LIFR: variants seen among roughly 807,000 people sequenced by gnomAD.
LIFR encodes the protein LIF receptor subunit alpha.
Under a neutral mutation model 122.2 loss-of-function variants are expected in LIFR, and 84 were observed. The observed-to-expected ratio is 0.69, with a 90% CI of 0.58 to 0.82. The LOEUF (loss-of-function observed/expected upper bound fraction) is 0.82. Ranked by LOEUF, LIFR falls within the 40% of genes least tolerant of loss-of-function variation. The pLI is 0.00. For missense variants in LIFR, 1,294 were observed against 1,311.6 expected, an observed-to-expected ratio of 0.99 and a Z score of 0.21; for synonymous variants, 422 against 434.7, an observed-to-expected ratio of 0.97 and a Z score of 0.36.
rs543952297 is a variant in LIFR, at chr5:38,510,292, T to C, written c.991+172A>G. ...TGTGGAAAACAAGCTTGCAATTCAT[T>C]TTAAAACAAGCAAATATTCTAGTGC... On this transcript the variant is annotated intron_variant, in intron 7 of 19. Coordinates refer to ENST00000453190, the MANE Select transcript of LIFR (RefSeq NM_001127671.2). Among the ~76,000 whole-genome samples, 24 of 152,304 alleles carry C rather than the reference T, an allele frequency of 1.6e-4. No individual in the cohort carries two copies. In the South Asian group the frequency reaches 1.7e-3, roughly 11 times the overall value.
chr5:38,567,512 T>TTATG (rs1239875099), intron 1 of LIFR, among the ~76,000 whole-genome samples: 6 of 146,444 alleles, frequency 4.1e-5, no homozygotes, highest in Admixed American at 6.9e-5. Flanking sequence ...ATTTATTTAT[T>TTATG]TATTTATTTA....
rs1240638634 is a variant in LIFR at position 38,490,193 on chromosome 5, A to G, written c.2164T>C (p.Leu722=). The stretch of plus-strand genomic sequence containing the variant: ...AATAAGTACCCATTTAACTTACCCA[A>G]TTCTTCTATATATCCAATCATGGAG... ...LRSMIGYIEE[L]APIVAPNFTV... The change falls in exon 15 of 20, where the codon TTG becomes CTG. Residue 722 remains leucine, a synonymous_variant. Transcript: ENST00000453190. The G allele has an allele frequency of 6.1e-6, 9 of 1,465,510 alleles. No homozygotes were observed. In the East Asian group the frequency reaches 2.1e-4, roughly 34 times the overall value. 90.8% of individuals were successfully genotyped at this position (1,465,510 alleles called of 1,614,324 possible). A position where few individuals can be genotyped will look rare whatever the true frequency, so the allele number is the denominator to read the frequency against.
At chr5:38,602,498 C>G (rs1561237274) in intron 2 of LIFR, among the ~76,000 whole-genome samples, 1 of 149,718 alleles carries the variant, frequency 6.7e-6, no homozygotes, top group African/African-American at 2.5e-5. Context: ...CTTCTCTTTT[C>G]TTTTTTTTTT....
rs59046986 is a variant in LIFR at position 38,474,703 on chromosome 5, A to C, written c.*6892T>G. ...GACCAGTATTTATTATTTATTTGCT[A>C]ATGTTGGATTCCCACTATTTGATTA... On this transcript the variant is annotated 3_prime_UTR_variant, in exon 20 of 20. Coordinates refer to ENST00000453190, the MANE Select transcript of LIFR (RefSeq NM_001127671.2). Among the ~76,000 whole-genome samples the C allele has an allele frequency of 9.0e-4, 137 of 152,326 alleles. No homozygotes were observed. The highest frequency in any genetic ancestry group is 3.1e-3 in the African/African-American group (130 of 41,574).
At chr5:38,595,727 CTT>C (rs70978897), upstream of LIFR, among the ~76,000 whole-genome samples, 4,864 of 91,928 alleles carry the variant, frequency 0.053, 112 homozygotes, top group African/African-American at 0.14. Flanking sequence ...CACAATAGGT[CTT>C]TTTTTTTTTT....
intron 16 of LIFR, among the ~76,000 whole-genome samples, 185 bp from the exon 17 acceptor site, chr5:38,486,165 T>C (rs1034220309): frequency 4.6e-5 from 7 of 152,190 alleles, no homozygotes; most frequent in Non-Finnish European, 8.8e-5. Context: ...CTGTGTCGTA[T>C]GGGCCCCTTA....
At chr5:38,574,924 C>A (rs1749333042) in intron 1 of LIFR, among the ~76,000 whole-genome samples, 1 of 152,150 alleles carries the variant, frequency 6.6e-6, no homozygotes, top group East Asian at 1.9e-4. Context: ...TGTTCCCCTG[C>A]AACCCTGCAA....
At chr5:38,543,301 A>G (rs537802051) in intron 1 of LIFR, among the ~76,000 whole-genome samples, 1 of 152,180 alleles carries the variant, frequency 6.6e-6, no homozygotes, top group Admixed American at 6.5e-5. Flanking sequence ...CAACCCTCCA[A>G]AGAGGTTTGG....
intron 1 of LIFR, among the ~76,000 whole-genome samples, chr5:38,551,526 G>A (rs1748199342): frequency 6.6e-6 from 1 of 152,212 alleles, no homozygotes. Flanking sequence ...CCACTTTGGG[G>A]AGAAGTTAAA....
At chr5:38,532,920 CA>C (rs1406296908) in intron 1 of LIFR, among the ~76,000 whole-genome samples, 1 of 152,186 alleles carries the variant, frequency 6.6e-6, no homozygotes, top group East Asian at 1.9e-4. Context: ...TATACGATTT[CA>C]GGAGCTAACT....
At position 38,477,559 on chromosome 5, in the gene LIFR, A is replaced by C. The variant is rs1189536762; in HGVS notation, c.*4036T>G. 4.6e-6 allele frequency: 1 copy of C among 215,756 alleles called. No individual in the cohort carries two copies. The highest frequency in any genetic ancestry group is 6.9e-5 in the East Asian group (1 of 14,448). The allele number at this position is 215,756 out of a possible 1,614,324, so 13.4% of individuals were successfully genotyped here. A position where few individuals can be genotyped will look rare whatever the true frequency, so the allele number is the denominator to read the frequency against. On this transcript the variant is annotated 3_prime_UTR_variant, in exon 20 of 20. Coordinates refer to ENST00000453190, the MANE Select transcript of LIFR (RefSeq NM_001127671.2). ...AGTTGCACACCCATCAAAGAAGAAG[A>C]AATTATGAACACTTAAAATTATGGA...
intron 1 of LIFR, among the ~76,000 whole-genome samples, chr5:38,568,300 T>C (rs937718940): frequency 6.6e-6 from 1 of 152,166 alleles, no homozygotes; most frequent in African/African-American, 2.4e-5. Flanking sequence ...GAGGAGGCCT[T>C]CTTGAGAAGG....
At chr5:38,501,123 C>G (rs1052692392) in intron 11 of LIFR, among the ~76,000 whole-genome samples, 5 of 152,170 alleles carry the variant, frequency 3.3e-5, no homozygotes, top group Admixed American at 2.0e-4. Flanking sequence ...CTAAGCTGCT[C>G]CTGGATTTTT....
intron 16 of LIFR, among the ~76,000 whole-genome samples, chr5:38,486,644 G>A (rs150530725): frequency 6.1e-4 from 93 of 151,834 alleles, no homozygotes; most frequent in African/African-American, 2.1e-3. Flanking sequence ...TCCTCCCCTC[G>A]CCCCCTACAA....
rs751290948 is a variant in LIFR, at chr5:38,499,592, G to A, written c.1601-9C>T. 4.4e-6 allele frequency: 7 copies of A among 1,594,760 alleles called. No individual in the cohort carries two copies. The South Asian group carries it at 7.7e-5, about 18-fold the overall frequency. On this transcript the variant is annotated splice_polypyrimidine_tract_variant and intron_variant, in intron 11 of 19. Coordinates refer to ENST00000453190, the MANE Select transcript of LIFR (RefSeq NM_001127671.2). Reference sequence around the variant, plus strand: ...AGGCCCCTTTGAAGGACCTAAAAAGGAGATTTTAAAGTTAATATCTGAAGA... The same window carrying A: ...AGGCCCCTTTGAAGGACCTAAAAAGAAGATTTTAAAGTTAATATCTGAAGA...
chr5:38,483,416 T>G (rs1425719968), intron 18 of LIFR, among the ~76,000 whole-genome samples: 2 of 151,444 alleles, frequency 1.3e-5, no homozygotes, highest in African/African-American at 4.8e-5. Context: ...AATAGTTGGG[T>G]TTTTTTTGTT....
chr5:38,496,429 A>G lies in LIFR; in HGVS notation c.1838T>C (p.Val613Ala), dbSNP rs772026858. ...TATTTTGGAAGGTGGTGATGAGCCC[A>G]CAGAATTTTTAGCCACTACGCTGAT... ...YIISVVAKNS[V>A]GSSPPSKIAS... Residue 613 changes from valine (V) to alanine (A), a missense_variant, in exon 13 of 20, where the codon GTG becomes GCG. Physicochemically the swap from Val to Ala is moderately conservative, Grantham distance 64. Coordinates refer to ENST00000453190, the MANE Select transcript of LIFR (RefSeq NM_001127671.2). The G allele has an allele frequency of 2.2e-5, 35 of 1,614,026 alleles. No homozygotes were observed. The East Asian group carries it at 5.8e-4, about 27-fold the overall frequency.
At chr5:38,588,840 G>A (rs1455906166) in intron 1 of LIFR, among the ~76,000 whole-genome samples, 2 of 152,120 alleles carry the variant, frequency 1.3e-5, no homozygotes, top group African/African-American at 4.8e-5. Context: ...TCTAGAAAGT[G>A]TATGAAACAC....
chr5:38,573,436 A>G (rs892334674), intron 1 of LIFR, among the ~76,000 whole-genome samples: 1 of 152,222 alleles, frequency 6.6e-6, no homozygotes, highest in Admixed American at 6.5e-5. Context: ...ACATATTACC[A>G]TATTACTTAG....
Sources: gnomAD v4.1 joint callset for allele counts (sites outside exome capture counted in the v4.1 genomes callset) on GRCh38, gnomAD v4.1.1 for gene constraint, MANE v1.5 for transcripts, NCBI Gene and HGNC (gene_info 2026-07-23, HGNC 2026-07-21) for gene names.